ZSCAN5A: variants seen among roughly 807,000 people sequenced by gnomAD.
ZSCAN5A encodes zinc finger and SCAN domain-containing protein 5A.
Under a neutral mutation model 23.7 loss-of-function variants are expected in ZSCAN5A, and 12 were observed. That is an observed-to-expected ratio of 0.51 (90% CI 0.32 to 0.82). ZSCAN5A has a LOEUF of 0.82. Among genes scored for constraint, ZSCAN5A ranks in the 40% least tolerant of loss-of-function variants. ZSCAN5A has a pLI of 0.03. For missense variants in ZSCAN5A, 597 were observed against 617.9 expected (o/e 0.97, Z 0.36); for synonymous variants, 257 against 239.9 (o/e 1.07, Z -0.66).
At chr19:56,302,142 A>G in intron 2 of ZSCAN5A, 1 of 1,219,120 alleles carries the variant, frequency 8.2e-7, no homozygotes, top group Non-Finnish European at 1.0e-6. Flanking sequence ...GAGAGGAAGG[A>G]AAGAGGAGGG....
At chr19:56,285,626 A>G (rs1381517744) in intron 2 of ZSCAN5A, among the ~76,000 whole-genome samples, 7 of 151,748 alleles carry the variant, frequency 4.6e-5, no homozygotes, top group African/African-American at 1.7e-4. Flanking sequence ...TGTTTGTTTT[A>G]ATTTTTAAAT....
At chr19:56,276,568 G>A (rs1048597468) in intron 2 of ZSCAN5A, among the ~76,000 whole-genome samples, 7 of 146,560 alleles carry the variant, frequency 4.8e-5, no homozygotes, top group South Asian at 4.3e-4. Flanking sequence ...GACGAGCCTC[G>A]CTCTGTCGCC....
chr19:56,228,767 AAG>A (rs2034209078), intron 2 of ZSCAN5A, among the ~76,000 whole-genome samples: 1 of 152,190 alleles, frequency 6.6e-6, no homozygotes, highest in African/African-American at 2.4e-5. Flanking sequence ...TACTGAAAAA[AAG>A]AGACAGTCTT....
intron 2 of ZSCAN5A, chr19:56,342,802 C>G (rs2041604510): frequency 1.3e-6 from 1 of 763,838 alleles, no homozygotes; most frequent in African/African-American, 1.7e-5. Flanking sequence ...GAACTGGGAC[C>G]AATCATAAGA....
intron 2 of ZSCAN5A, among the ~76,000 whole-genome samples, chr19:56,254,398 C>T (rs2036559371): frequency 6.6e-6 from 1 of 152,046 alleles, no homozygotes; most frequent in African/African-American, 2.4e-5. Flanking sequence ...ATTATTTTTT[C>T]TGGTGTCAAA....
intron 2 of ZSCAN5A, among the ~76,000 whole-genome samples, chr19:56,231,509 A>T (rs972722260): frequency 2.0e-5 from 3 of 152,122 alleles, no homozygotes; most frequent in Non-Finnish European, 4.4e-5. Context: ...GTCAATCACC[A>T]CACATCCCAG....
At chr19:56,247,199 A>C in intron 2 of ZSCAN5A, 2 of 504,788 alleles carry the variant, frequency 4.0e-6, no homozygotes, top group Non-Finnish European at 7.2e-6. Context: ...CGCGTCCACC[A>C]GCGAATCCAC....
At chr19:56,248,199 T>C (rs2036088372) in intron 2 of ZSCAN5A, among the ~76,000 whole-genome samples, 1 of 152,206 alleles carries the variant, frequency 6.6e-6, no homozygotes. Context: ...TTATTCATTA[T>C]TTATCTGAAA....
chr19:56,238,099 GAAACACATACGA>G (rs2035125887), intron 2 of ZSCAN5A, among the ~76,000 whole-genome samples: 1 of 98,912 alleles, frequency 1.0e-5, no homozygotes, highest in African/African-American at 3.8e-5. Flanking sequence ...CGGACACACG[GAAACACATACGA>G]ACACACACCC....
At chr19:56,330,229 C>T (rs1015062911) in intron 2 of ZSCAN5A, among the ~76,000 whole-genome samples, 2 of 152,166 alleles carry the variant, frequency 1.3e-5, no homozygotes, top group African/African-American at 4.8e-5. Context: ...TTATCCAATC[C>T]ACTAATAATG....
chr19:56,261,907 T>G (rs1168742101), intron 2 of ZSCAN5A, among the ~76,000 whole-genome samples: 1 of 152,212 alleles, frequency 6.6e-6, no homozygotes, highest in Admixed American at 6.5e-5. Flanking sequence ...TTTTTACATA[T>G]GGATAGACGG....
chr19:56,258,604 T>G, intron 2 of ZSCAN5A, among the ~76,000 whole-genome samples: 3 of 146,360 alleles, frequency 2.0e-5, no homozygotes, highest in Non-Finnish European at 3.0e-5. Flanking sequence ...CCTTCCAGTG[T>G]GGGGGGTGAC....
chr19:56,247,094 A>T (rs1568643225), intron 2 of ZSCAN5A: 1 of 710,784 alleles, frequency 1.4e-6, no homozygotes, highest in Non-Finnish European at 2.5e-6. Flanking sequence ...TTTACGTGTA[A>T]TTCCAAGCTA....
intron 2 of ZSCAN5A, chr19:56,228,144 T>C: frequency 1.1e-6 from 1 of 897,400 alleles, no homozygotes; most frequent in Non-Finnish European, 1.3e-6. Context: ...CCCGCTGCCT[T>C]CACAAAGTCT....
chr19:56,354,149 G>T (rs1033938391), intron 2 of ZSCAN5A, among the ~76,000 whole-genome samples: 1 of 152,170 alleles, frequency 6.6e-6, no homozygotes, highest in Non-Finnish European at 1.5e-5. Flanking sequence ...AGAATAAAAA[G>T]AGTTGCTTTT....
At chr19:56,268,993 T>C (rs969071517) in intron 2 of ZSCAN5A, among the ~76,000 whole-genome samples, 3 of 152,254 alleles carry the variant, frequency 2.0e-5, no homozygotes, top group African/African-American at 7.2e-5. Context: ...AATATCCTAT[T>C]ATATGGCTAT....
intron 2 of ZSCAN5A, among the ~76,000 whole-genome samples, chr19:56,248,724 C>T (rs753814354): frequency 6.6e-6 from 1 of 152,156 alleles, no homozygotes; most frequent in Non-Finnish European, 1.5e-5. Flanking sequence ...TGAGCCACCA[C>T]GCCTGGCTAA....
intron 2 of ZSCAN5A, among the ~76,000 whole-genome samples, chr19:56,294,282 TCAC>T (rs1418548025): frequency 2.0e-5 from 3 of 152,196 alleles, no homozygotes; most frequent in African/African-American, 7.2e-5. Context: ...TCCCGGACCC[TCAC>T]ATTAACCCAG....
intron 2 of ZSCAN5A, among the ~76,000 whole-genome samples, chr19:56,293,562 G>C (rs60841745): frequency 6.6e-6 from 1 of 152,220 alleles, no homozygotes; most frequent in East Asian, 1.9e-4. Flanking sequence ...CCACTTTCTA[G>C]TTCCGTGGGC....
Sources: gnomAD v4.1 joint callset for allele counts (sites outside exome capture counted in the v4.1 genomes callset) on GRCh38, gnomAD v4.1.1 for gene constraint, MANE v1.5 for transcripts, NCBI Gene and HGNC (gene_info 2026-07-23, HGNC 2026-07-21) for gene names.